KAZN: variants seen among roughly 807,000 people sequenced by gnomAD.
The protein encoded by KAZN is kazrin, periplakin interacting protein, also known as kazrin.
In KAZN, 40 loss-of-function variants were observed where a neutral mutation model predicts 87.4. The ratio of observed to expected loss-of-function variants is 0.46; its 90% CI spans 0.36 to 0.60. KAZN has a LOEUF of 0.60. Among genes scored for constraint, KAZN ranks in the 20% least tolerant of loss-of-function variants. The pLI is 0.00. For synonymous variants in KAZN, 466 were observed against 458.3 expected (o/e 1.02, Z -0.22); for missense variants, 898 against 1,073.9 (o/e 0.84, Z 2.29).
intron 1 of KAZN, among the ~76,000 whole-genome samples, chr1:14,090,263 T>C (rs984742544): frequency 6.6e-6 from 1 of 152,180 alleles, no homozygotes; most frequent in Non-Finnish European, 1.5e-5. Flanking sequence ...GTTGGGCCAC[T>C]TGATATTGTC....
intron 1 of KAZN, among the ~76,000 whole-genome samples, chr1:14,681,241 G>A (rs1292710299): frequency 1.3e-5 from 2 of 152,160 alleles, no homozygotes; most frequent in African/African-American, 2.4e-5. Context: ...TATATCATGT[G>A]GCTATGCCAC....
chr1:14,430,148 T>A (rs1356179968), intron 2 of KAZN, among the ~76,000 whole-genome samples: 1 of 151,108 alleles, frequency 6.6e-6, no homozygotes, highest in African/African-American at 2.4e-5. Context: ...TTTCAAGGAA[T>A]CTTTTCGTGA....
chr1:14,159,692 C>T (rs78830732), intron 1 of KAZN, among the ~76,000 whole-genome samples: 4,395 of 152,278 alleles, frequency 0.029, 212 homozygotes, highest in African/African-American at 0.1. Flanking sequence ...GCCCCATTGC[C>T]ACCACAGCTG....
chr1:14,084,975 T>A (rs1183452584), intron 1 of KAZN, among the ~76,000 whole-genome samples: 1 of 152,136 alleles, frequency 6.6e-6, no homozygotes, highest in Non-Finnish European at 1.5e-5. Context: ...TATGTGTGTA[T>A]GTGTGTAAAT....
At chr1:14,541,069 C>A (rs1473683878) in intron 2 of KAZN, among the ~76,000 whole-genome samples, 1 of 152,194 alleles carries the variant, frequency 6.6e-6, no homozygotes. Flanking sequence ...ATTTACCCCC[C>A]TACTCAAGTG....
chr1:13,997,654 C>G (rs777778580), intron 1 of KAZN, among the ~76,000 whole-genome samples: 1 of 151,478 alleles, frequency 6.6e-6, no homozygotes, highest in African/African-American at 2.4e-5. Flanking sequence ...ATAAGGCATG[C>G]AGACAAGACT....
Position 14,735,937 on chromosome 1 carries a change from G to A in KAZN, c.226+136714G>A, listed in dbSNP as rs146556507. Among the ~76,000 whole-genome samples, 557 of 152,236 alleles carry A rather than the reference G, an allele frequency of 3.7e-3. 1 individual carries two copies. The highest frequency in any genetic ancestry group is 0.013 in the African/African-American group (534 of 41,542). ...CCATAGAAGAATAAAAGCTTTGGGGGGAATGTGGAGCCCCCGCAGGAAGAT... is the reference window on the plus strand; with the variant it reads ...CCATAGAAGAATAAAAGCTTTGGGGAGAATGTGGAGCCCCCGCAGGAAGAT... On this transcript the variant is annotated intron_variant, in intron 1 of 14. Transcript: ENST00000376030. The surrounding 1 kb of genome is among the most constrained non-coding windows in gnomAD (Gnocchi z 4.3).
intron 1 of KAZN, among the ~76,000 whole-genome samples, chr1:14,143,168 C>A (rs554326239): frequency 7.9e-5 from 12 of 152,314 alleles, no homozygotes; most frequent in Admixed American, 7.2e-4. Flanking sequence ...AATTGTGATG[C>A]ATCCAGAAGA....
intron 1 of KAZN, among the ~76,000 whole-genome samples, chr1:14,101,890 C>T (rs764974937): frequency 9.9e-5 from 15 of 152,060 alleles, no homozygotes; most frequent in Non-Finnish European, 1.6e-4. Context: ...ATAGCTTGGC[C>T]CCAGCTGAAT....
At chr1:14,402,666 G>A (rs1663512802) in intron 2 of KAZN, among the ~76,000 whole-genome samples, 1 of 152,020 alleles carries the variant, frequency 6.6e-6, no homozygotes, top group African/African-American at 2.4e-5. Context: ...AGTAAACATC[G>A]AAGAGTTGCT....
At chr1:14,134,706 T>C (rs746680797) in intron 1 of KAZN, among the ~76,000 whole-genome samples, 12 of 152,152 alleles carry the variant, frequency 7.9e-5, no homozygotes, top group Non-Finnish European at 1.6e-4. Flanking sequence ...TTCTAAATGA[T>C]CCGCCTTGGG....
At chr1:15,101,007 G>A (rs1025151388) in intron 10 of KAZN, among the ~76,000 whole-genome samples, 6 of 152,152 alleles carry the variant, frequency 3.9e-5, no homozygotes, top group African/African-American at 9.7e-5. Flanking sequence ...GTGGAGGGGC[G>A]GGGTCCCCAG....
chr1:14,219,578 A>G (rs1482378142), intron 2 of KAZN, among the ~76,000 whole-genome samples: 1 of 152,206 alleles, frequency 6.6e-6, no homozygotes, highest in Non-Finnish European at 1.5e-5. Flanking sequence ...CATTCTACAA[A>G]TATTTCATGA....
At chr1:14,959,573 G>T (rs1426647629) in intron 1 of KAZN, among the ~76,000 whole-genome samples, 1 of 152,212 alleles carries the variant, frequency 6.6e-6, no homozygotes, top group East Asian at 1.9e-4. Context: ...CGGCTGGTGA[G>T]TGTGGTACCT....
intron 1 of KAZN, among the ~76,000 whole-genome samples, chr1:14,729,232 T>C (rs1333268889): frequency 6.6e-6 from 1 of 152,206 alleles, no homozygotes; most frequent in Non-Finnish European, 1.5e-5. Flanking sequence ...GGCCAGGCTG[T>C]CTTCGGCTTC....
chr1:14,798,416 CTTTTTTTTTTTT>C (rs545959773), intron 1 of KAZN, among the ~76,000 whole-genome samples: 90 of 88,148 alleles, frequency 1.0e-3, no homozygotes, highest in Non-Finnish European at 1.4e-3. Flanking sequence ...TGTTTCTTTC[CTTTTTTTTTTTT>C]TTTTTTTTTT....
chr1:14,570,395 C>T (rs528490678), intron 2 of KAZN, among the ~76,000 whole-genome samples: 1 of 152,330 alleles, frequency 6.6e-6, no homozygotes, highest in African/African-American at 2.4e-5. Flanking sequence ...CCTCCTCCTC[C>T]TCCCAATTCC....
chr1:13,942,566 AAAAAAATGTAT>A (rs1354484163), intron 1 of KAZN, among the ~76,000 whole-genome samples: 4 of 144,894 alleles, frequency 2.8e-5, no homozygotes, highest in African/African-American at 1.0e-4. Context: ...AAAAAAAAAA[AAAAAAATGTAT>A]ATATATAATT....
intron 1 of KAZN, among the ~76,000 whole-genome samples, chr1:14,611,540 A>T (rs953262884): frequency 1.3e-5 from 2 of 151,820 alleles, no homozygotes; most frequent in Non-Finnish European, 2.9e-5. Context: ...CTTAAAAATT[A>T]GCTGGCCTTG....
Sources: gnomAD v4.1 joint callset for allele counts (sites outside exome capture counted in the v4.1 genomes callset) on GRCh38, gnomAD v4.1.1 for gene constraint, Gnocchi (gnomAD v3.1) non-coding constraint, MANE v1.5 for transcripts, NCBI Gene and HGNC (gene_info 2026-07-23, HGNC 2026-07-21) for gene names.